SYT17: variants seen among roughly 807,000 people sequenced by gnomAD.
SYT17 encodes the protein synaptotagmin-17.
Under a neutral mutation model 46.7 loss-of-function variants are expected in SYT17, and 22 were observed. That is an observed-to-expected ratio of 0.47 (90% confidence interval 0.34 to 0.67). The LOEUF is 0.67. SYT17 is among the 30% of genes least tolerant of loss of function. SYT17 has a pLI of 0.01. For synonymous variants in SYT17, 251 were observed against 248.4 expected (o/e 1.01, Z -0.10); for missense variants, 519 against 612.8 (o/e 0.85, Z 1.62).
intron 3 of SYT17, among the ~76,000 whole-genome samples, chr16:19,175,184 C>T (rs527543119): frequency 4.1e-4 from 62 of 152,034 alleles, no homozygotes; most frequent in Non-Finnish European, 7.8e-4. Flanking sequence ...TAGCACAGAG[C>T]AAAAGTTTTA....
At chr16:19,241,831 A>ACGTGGGGCT (rs1213204523) in intron 7 of SYT17, among the ~76,000 whole-genome samples, 5 of 152,192 alleles carry the variant, frequency 3.3e-5, no homozygotes, top group Admixed American at 3.3e-4. Context: ...GGGTGGGGAC[A>ACGTGGGGCT]GCACAGTTGG....
At chr16:19,265,859 A>G (rs1567242521) in intron 7 of SYT17, among the ~76,000 whole-genome samples, 1 of 152,264 alleles carries the variant, frequency 6.6e-6, no homozygotes, top group East Asian at 1.9e-4. Flanking sequence ...AGCCTTTCAA[A>G]GAGACATGCA....
intron 5 of SYT17, among the ~76,000 whole-genome samples, chr16:19,194,758 C>G (rs1316273787): frequency 6.6e-6 from 1 of 152,144 alleles, no homozygotes; most frequent in African/African-American, 2.4e-5. Context: ...CCACGCCCAG[C>G]TAATTTTTAA....
intron 7 of SYT17, among the ~76,000 whole-genome samples, chr16:19,237,600 G>A (rs1050286329): frequency 2.6e-5 from 4 of 152,134 alleles, no homozygotes; most frequent in African/African-American, 9.7e-5. Flanking sequence ...GTAATTAAAC[G>A]TAGGTATAAA....
At position 19,211,307 on chromosome 16, in the gene SYT17, G is replaced by A. The variant is rs1965890683; in HGVS notation, c.952-11738G>A. On this transcript the variant is annotated intron_variant, in intron 5 of 7. Coordinates refer to ENST00000355377, the MANE Select transcript of SYT17 (RefSeq NM_016524.4). ...TGGATAGGACAGGGGGTGGAACATC[G>A]TGCTGACAACCCCTCTCGGCCCGTG... 1.8e-5 allele frequency: 12 copies of A among 660,776 alleles called. No homozygotes were observed. The East Asian group carries it at 1.9e-4, about 11-fold the overall frequency. 40.9% of individuals were successfully genotyped at this position (660,776 alleles called of 1,614,324 possible). A position where few individuals can be genotyped will look rare whatever the true frequency, so the allele number is the denominator to read the frequency against.
intron 7 of SYT17, among the ~76,000 whole-genome samples, chr16:19,241,513 G>A (rs1437656642): frequency 6.6e-6 from 1 of 152,190 alleles, no homozygotes; most frequent in Non-Finnish European, 1.5e-5. Flanking sequence ...GCTGGAGCGT[G>A]CAGCCCTGGC....
chr16:19,229,883 G>T (rs765800442), intron 7 of SYT17, among the ~76,000 whole-genome samples: 1 of 152,180 alleles, frequency 6.6e-6, no homozygotes, highest in Non-Finnish European at 1.5e-5. Flanking sequence ...GTCTTGAGTA[G>T]GAAGGAAATT....
intron 5 of SYT17, among the ~76,000 whole-genome samples, chr16:19,194,558 T>C (rs1965157791): frequency 1.3e-5 from 2 of 152,218 alleles, no homozygotes; most frequent in Admixed American, 1.3e-4. Flanking sequence ...AAATACCCCA[T>C]AGACATCAGC....
chr16:19,248,647 C>A (rs1967778941), intron 7 of SYT17, among the ~76,000 whole-genome samples: 1 of 152,026 alleles, frequency 6.6e-6, no homozygotes, highest in Non-Finnish European at 1.5e-5. Flanking sequence ...ATGGCGAAAC[C>A]CCATCTCTAC....
At chr16:19,218,054 G>A (rs1276173151) in intron 5 of SYT17, among the ~76,000 whole-genome samples, 1 of 152,166 alleles carries the variant, frequency 6.6e-6, no homozygotes, top group Non-Finnish European at 1.5e-5. Flanking sequence ...AAGTCATGCA[G>A]CTCAAGCTCT....
chr16:19,191,734 C>A (rs1965029053), intron 5 of SYT17, among the ~76,000 whole-genome samples: 1 of 152,110 alleles, frequency 6.6e-6, no homozygotes, highest in African/African-American at 2.4e-5. Flanking sequence ...ATTTCAGAAT[C>A]TAGGGGATGT....
At chr16:19,172,737 C>T in intron 1 of SYT17, 23 bp from the exon 2 acceptor site, 1 of 1,612,762 alleles carries the variant, frequency 6.2e-7, no homozygotes, top group Non-Finnish European at 8.5e-7. Context: ...CCCTTGGCTT[C>T]ATCGTGGATC....
intron 6 of SYT17, among the ~76,000 whole-genome samples, chr16:19,223,625 A>G (rs1395076298): frequency 1.3e-5 from 2 of 152,268 alleles, no homozygotes; most frequent in Non-Finnish European, 2.9e-5. Flanking sequence ...AACGGAACAG[A>G]TTCCATTCCA....
chr16:19,186,127 C>A (rs978385515), intron 5 of SYT17, among the ~76,000 whole-genome samples: 2 of 152,166 alleles, frequency 1.3e-5, no homozygotes, highest in African/African-American at 2.4e-5. Flanking sequence ...GATAGAGCTG[C>A]AGGCCGTGCC....
chr16:19,223,230 C>G, intron 6 of SYT17, 65 bp downstream of exon 6: 1 of 1,580,424 alleles, frequency 6.3e-7, no homozygotes, highest in Non-Finnish European at 8.6e-7. Flanking sequence ...GTGGAGAACC[C>G]AGTTTTCTTT....
chr16:19,196,199 T>C (rs1965235352), intron 5 of SYT17, among the ~76,000 whole-genome samples: 1 of 151,996 alleles, frequency 6.6e-6, no homozygotes, highest in Non-Finnish European at 1.5e-5. Context: ...CAATTTATAC[T>C]ACTTTGGTCA....
chr16:19,200,453 T>A (rs963507587), intron 5 of SYT17, among the ~76,000 whole-genome samples: 2 of 152,244 alleles, frequency 1.3e-5, no homozygotes, highest in Admixed American at 6.5e-5. Flanking sequence ...AATGGTTGAA[T>A]CCATTGCCTC....
rs187147082 is a variant in SYT17 at position 19,266,715 on chromosome 16, T to C, written c.1229-165T>C. The stretch of plus-strand genomic sequence containing the variant: ...GGAGGATGAGATGAGGGAGTTGGAC[T>C]TCTCACCAAGAAAAGGAAAAAGACA... On this transcript the variant is annotated intron_variant, in intron 7 of 7. Coordinates refer to ENST00000355377, the MANE Select transcript of SYT17 (RefSeq NM_016524.4). Among the ~76,000 whole-genome samples, 52 of 152,222 alleles carry C rather than the reference T, an allele frequency of 3.4e-4. No homozygotes were observed. The Middle Eastern group carries it at 0.01, about 30-fold the overall frequency.
At chr16:19,213,372 GAC>G (rs1965977708) in intron 5 of SYT17, among the ~76,000 whole-genome samples, 1 of 152,224 alleles carries the variant, frequency 6.6e-6, no homozygotes, top group African/African-American at 2.4e-5. Flanking sequence ...TGGCAGGAAG[GAC>G]AGTTTTGGTG....
Sources: allele counts gnomAD v4.1 joint callset (sites outside exome capture counted in the v4.1 genomes callset), GRCh38; gene constraint gnomAD v4.1.1; transcripts MANE v1.5; gene names NCBI Gene and HGNC (gene_info 2026-07-23, HGNC 2026-07-21).